FARP2: variants seen among roughly 807,000 people sequenced by gnomAD.
FARP2 encodes FERM, ARH/RhoGEF and pleckstrin domain protein 2.
Under a neutral mutation model 130.5 loss-of-function variants are expected in FARP2, and 111 were observed. The ratio of observed to expected loss-of-function variants is 0.85; its 90% CI spans 0.73 to 1.00. The LOEUF (loss-of-function observed/expected upper bound fraction) is 1.00. FARP2 is among the 50% of genes least tolerant of loss of function. The pLI is 0.00. For missense variants in FARP2, 1,385 were observed against 1,346.3 expected, an observed-to-expected ratio of 1.03 and a Z score of -0.45; for synonymous variants, 504 against 516.9, an observed-to-expected ratio of 0.98 and a Z score of 0.34.
At chr2:241,488,137 C>T (rs2064803105) in intron 21 of FARP2, 1 of 151,372 alleles carries the variant, frequency 6.6e-6, no homozygotes, top group African/African-American at 2.4e-5. Flanking sequence ...GAATATCTCA[C>T]ATAATTTGTT....
intron 14 of FARP2, among the ~76,000 whole-genome samples, chr2:241,461,414 A>G (rs995666490): frequency 1.3e-5 from 2 of 151,996 alleles, no homozygotes; most frequent in South Asian, 4.1e-4. Context: ...AGGGTCCAGA[A>G]GGCCCACGTG....
chr2:241,476,280 A>G (rs1252777108), intron 19 of FARP2, among the ~76,000 whole-genome samples: 1 of 151,064 alleles, frequency 6.6e-6, no homozygotes, highest in East Asian at 1.9e-4. Flanking sequence ...CCAGCTACTC[A>G]GGAGACTGAG....
chr2:241,474,237 C>A (rs7598016), intron 18 of FARP2, among the ~76,000 whole-genome samples: 1 of 130,226 alleles, frequency 7.7e-6, no homozygotes, highest in Non-Finnish European at 1.6e-5. Flanking sequence ...ACCCGGGAGG[C>A]GGAGCTGAGC....
At chr2:241,428,593 T>C (rs1014621158) in intron 8 of FARP2, among the ~76,000 whole-genome samples, 22 of 151,404 alleles carry the variant, frequency 1.5e-4, no homozygotes, top group African/African-American at 5.3e-4. Flanking sequence ...CCCTAATGTT[T>C]GTATCTTGGC....
intron 2 of FARP2, among the ~76,000 whole-genome samples, chr2:241,374,661 T>C (rs976034612): frequency 3.3e-5 from 5 of 152,132 alleles, no homozygotes; most frequent in African/African-American, 1.2e-4. Flanking sequence ...GGTTTGAGTG[T>C]TGTTTGAAGG....
At chr2:241,369,184 T>A (rs776393130) in intron 1 of FARP2, among the ~76,000 whole-genome samples, 3 of 152,002 alleles carry the variant, frequency 2.0e-5, no homozygotes, top group Non-Finnish European at 4.4e-5. Flanking sequence ...AGAAGAGAGT[T>A]TGATATTCCT....
intron 2 of FARP2, among the ~76,000 whole-genome samples, chr2:241,386,970 G>A (rs1461943877): frequency 6.6e-6 from 1 of 151,964 alleles, no homozygotes; most frequent in Non-Finnish European, 1.5e-5. Flanking sequence ...TTGCTTTTTT[G>A]TTTGTTTGGA....
In FARP2 at chr2:241,487,746, C is replaced by CCTTTTT. The variant is rs1372509493; in HGVS notation, c.2422-2216_2422-2215insCTTTTT. Among the ~76,000 whole-genome samples, 39 of 73,222 alleles carry CCTTTTT rather than the reference C, an allele frequency of 5.3e-4. 1 individual carries two copies. The highest frequency in any genetic ancestry group is 2.0e-3 in the African/African-American group (37 of 18,922). 48.0% of individuals were successfully genotyped at this position (73,222 alleles called of 152,430 possible). A position where few individuals can be genotyped will look rare whatever the true frequency, so the allele number is the denominator to read the frequency against. On this transcript the variant is annotated intron_variant, in intron 21 of 26. Coordinates refer to ENST00000264042, the MANE Select transcript of FARP2 (RefSeq NM_014808.4). ...ATGTCATAGCTTAGCCTAGCCTACT[C>CCTTTTT]TTTTTTTTTTTTTTTTTTTTTGAGA...
chr2:241,413,001 C>G (rs1384344723), intron 6 of FARP2, among the ~76,000 whole-genome samples: 1 of 152,168 alleles, frequency 6.6e-6, no homozygotes, highest in East Asian at 1.9e-4. Context: ...GCACTCCAGC[C>G]TGGTCAACAG....
At chr2:241,357,737 G>T (rs984150015) in intron 1 of FARP2, among the ~76,000 whole-genome samples, 4 of 152,130 alleles carry the variant, frequency 2.6e-5, no homozygotes, top group African/African-American at 9.7e-5. Context: ...TGCTGATGAT[G>T]CAGTTTCCTG....
chr2:241,482,726 A>C lies in FARP2; in HGVS notation c.2263-739A>C, dbSNP rs1390379929. 6.6e-6 allele frequency among the ~76,000 whole-genome samples: 1 copy of C among 152,084 alleles called. No homozygotes were observed. The highest frequency in any genetic ancestry group is 1.5e-5 in the Non-Finnish European group (1 of 68,018). The stretch of plus-strand genomic sequence containing the variant: ...CTGCTCATACTAGGAGGCCCCTAGC[A>C]CATTCTCCGGACACCTGCTGCTCCT... On this transcript the variant is annotated intron_variant, in intron 19 of 26. Coordinates refer to ENST00000264042, the MANE Select transcript of FARP2 (RefSeq NM_014808.4). This position sits in a 1 kb window ranked among gnomAD's most constrained non-coding sequence, Gnocchi z 4.6.
chr2:241,393,407 C>G (rs1292999209), intron 2 of FARP2, among the ~76,000 whole-genome samples: 1 of 152,034 alleles, frequency 6.6e-6, no homozygotes, highest in Non-Finnish European at 1.5e-5. Flanking sequence ...GAAAATGTGC[C>G]AAAATGAGAG....
intron 13 of FARP2, among the ~76,000 whole-genome samples, chr2:241,450,902 A>C (rs1287321640): frequency 6.6e-6 from 1 of 151,924 alleles, no homozygotes; most frequent in Non-Finnish European, 1.5e-5. Flanking sequence ...TAGTGAGCTG[A>C]GATTGCGCCA....
chr2:241,491,297 A>G, intron 23 of FARP2, 118 bp downstream of exon 23: 4 of 888,362 alleles, frequency 4.5e-6, no homozygotes, highest in East Asian at 2.4e-5. Flanking sequence ...CCCCTTCCAC[A>G]AGGAATGTTC....
intron 2 of FARP2, among the ~76,000 whole-genome samples, chr2:241,400,663 C>T (rs1477749174): frequency 2.6e-5 from 4 of 152,208 alleles, no homozygotes; most frequent in African/African-American, 4.8e-5. Flanking sequence ...TATCCCTGCA[C>T]TCAGGTGAAG....
intron 8 of FARP2, among the ~76,000 whole-genome samples, chr2:241,427,865 A>C (rs1284311772): frequency 6.6e-6 from 1 of 152,008 alleles, no homozygotes; most frequent in Non-Finnish European, 1.5e-5. Flanking sequence ...TCCCAGCTTC[A>C]AGCGATTCTC....
intron 13 of FARP2, among the ~76,000 whole-genome samples, chr2:241,453,501 A>G (rs1002741267): frequency 6.6e-6 from 1 of 151,684 alleles, no homozygotes; most frequent in African/African-American, 2.4e-5. Flanking sequence ...GGGAGCCTGT[A>G]GTCCCAGCTA....
chr2:241,465,526 G>C, intron 17 of FARP2: 1 of 1,550,600 alleles, frequency 6.4e-7, no homozygotes, highest in Non-Finnish European at 8.7e-7. Flanking sequence ...TGGATAGGCA[G>C]GGGCAGCACT....
At chr2:241,472,036 G>GC (rs2064332698) in intron 18 of FARP2, among the ~76,000 whole-genome samples, 67 of 87,796 alleles carry the variant, frequency 7.6e-4, no homozygotes, top group Admixed American at 5.2e-3. Flanking sequence ...ACACTGTTCT[G>GC]AGAAGACCCT....
Sources: allele counts gnomAD v4.1 joint callset (sites outside exome capture counted in the v4.1 genomes callset), GRCh38; gene constraint gnomAD v4.1.1; non-coding constraint Gnocchi (gnomAD v3.1); transcripts MANE v1.5; gene names NCBI Gene and HGNC (gene_info 2026-07-23, HGNC 2026-07-21).